TDRD3: variants seen among roughly 807,000 people sequenced by gnomAD.
TDRD3 encodes tudor domain-containing protein 3.
Under a neutral mutation model 86.7 loss-of-function variants are expected in TDRD3, and 45 were observed. The observed-to-expected ratio is 0.52, with a 90% confidence interval of 0.41 to 0.67. TDRD3 has a LOEUF of 0.67. Ranked by LOEUF, TDRD3 falls within the 30% of genes least tolerant of loss-of-function variation. TDRD3 has a pLI of 0.00. For synonymous variants in TDRD3, 298 were observed against 301.7 expected (o/e 0.99, Z 0.13); for missense variants, 814 against 889.0 (o/e 0.92, Z 1.07).
At chr13:60,541,672 A>G (rs1253887951) in intron 12 of TDRD3, among the ~76,000 whole-genome samples, 1 of 138,968 alleles carries the variant, frequency 7.2e-6, no homozygotes, top group Non-Finnish European at 1.5e-5. Flanking sequence ...TCATTCATGT[A>G]TATCCAATAT....
chr13:60,527,237 T>C (rs927499147), intron 10 of TDRD3, among the ~76,000 whole-genome samples: 5 of 152,214 alleles, frequency 3.3e-5, no homozygotes, highest in African/African-American at 1.2e-4. Context: ...AGATACCTTT[T>C]GGCCTCCAGT....
intron 1 of TDRD3, among the ~76,000 whole-genome samples, chr13:60,438,174 A>G (rs551983005): frequency 6.6e-6 from 1 of 152,312 alleles, no homozygotes; most frequent in East Asian, 1.9e-4. Flanking sequence ...TATTTATGAA[A>G]GTGAATTTAT....
intron 12 of TDRD3, among the ~76,000 whole-genome samples, chr13:60,562,021 A>G (rs1474973261): frequency 6.6e-6 from 1 of 152,260 alleles, no homozygotes; most frequent in African/African-American, 2.4e-5. Flanking sequence ...ATAGAGAATA[A>G]GAGCTGAGGC....
chr13:60,516,109 G>C (rs1465044674), intron 10 of TDRD3, among the ~76,000 whole-genome samples: 1 of 152,036 alleles, frequency 6.6e-6, no homozygotes, highest in Non-Finnish European at 1.5e-5. Flanking sequence ...ATATATTTAG[G>C]GTTTAAAAAG....
chr13:60,415,926 G>A (rs1594904894), intron 1 of TDRD3, among the ~76,000 whole-genome samples: 1 of 152,140 alleles, frequency 6.6e-6, no homozygotes, highest in Non-Finnish European at 1.5e-5. Flanking sequence ...TTAAGGAAAA[G>A]TGAAGAAAGG....
chr13:60,461,249 A>G (rs372819624), intron 4 of TDRD3, among the ~76,000 whole-genome samples: 1 of 152,082 alleles, frequency 6.6e-6, no homozygotes, highest in Non-Finnish European at 1.5e-5. Flanking sequence ...TAGGCTAATA[A>G]ATTTTCCTAG....
chr13:60,512,735 C>T (rs534765532), intron 10 of TDRD3, among the ~76,000 whole-genome samples: 19 of 152,292 alleles, frequency 1.2e-4, no homozygotes, highest in Non-Finnish European at 2.2e-4. Context: ...CTAGGTTATA[C>T]GGATGAAAGA....
intron 1 of TDRD3, among the ~76,000 whole-genome samples, chr13:60,431,533 G>A (rs1954952712): frequency 6.6e-6 from 1 of 151,490 alleles, no homozygotes; most frequent in East Asian, 1.9e-4. Context: ...ACTGATATTT[G>A]ACCAGTGTGG....
chr13:60,472,703 ATAT>A (rs1449085905), intron 5 of TDRD3, among the ~76,000 whole-genome samples: 1 of 152,198 alleles, frequency 6.6e-6, no homozygotes, highest in Non-Finnish European at 1.5e-5. Flanking sequence ...TCTTGAAGAA[ATAT>A]TTGTGTACCC....
chr13:60,567,689 A>C (rs1464290709), intron 13 of TDRD3, 39 bp downstream of exon 13: 2 of 1,601,948 alleles, frequency 1.2e-6, no homozygotes, highest in South Asian at 2.2e-5. Flanking sequence ...ATATAAAGAA[A>C]GATGAAATTC....
intron 10 of TDRD3, among the ~76,000 whole-genome samples, chr13:60,518,940 T>C (rs1957228706): frequency 6.6e-6 from 1 of 152,034 alleles, no homozygotes. Flanking sequence ...CTGTGAATTT[T>C]TGAAAGATGT....
At chr13:60,529,808 G>A (rs1406448161) in intron 11 of TDRD3, among the ~76,000 whole-genome samples, 1 of 152,042 alleles carries the variant, frequency 6.6e-6, no homozygotes, top group Non-Finnish European at 1.5e-5. Context: ...GAAAGAAATT[G>A]TAGGGGAAAG....
chr13:60,470,162 A>G (rs1956045716), intron 5 of TDRD3, among the ~76,000 whole-genome samples: 1 of 152,110 alleles, frequency 6.6e-6, no homozygotes, highest in Non-Finnish European at 1.5e-5. Context: ...GACTTATTTC[A>G]CTTAGCATAG....
At chr13:60,472,446 A>G (rs1168471976) in intron 5 of TDRD3, among the ~76,000 whole-genome samples, 1 of 152,224 alleles carries the variant, frequency 6.6e-6, no homozygotes, top group African/African-American at 2.4e-5. Flanking sequence ...ATACTACCCT[A>G]CAGCCATTAT....
chr13:60,523,585 T>G (rs1373094734), intron 10 of TDRD3, among the ~76,000 whole-genome samples: 1 of 145,696 alleles, frequency 6.9e-6, no homozygotes, highest in Non-Finnish European at 1.5e-5. Context: ...TTTTTTTTTT[T>G]TTTTTTTTTG....
intron 12 of TDRD3, among the ~76,000 whole-genome samples, chr13:60,559,415 T>C (rs1358555003): frequency 6.6e-6 from 1 of 152,176 alleles, no homozygotes; most frequent in East Asian, 1.9e-4. Context: ...CTACTCTGAT[T>C]TCTGGGCAAG....
At chr13:60,471,679 G>A (rs1039000785) in intron 5 of TDRD3, among the ~76,000 whole-genome samples, 6 of 152,080 alleles carry the variant, frequency 3.9e-5, no homozygotes, top group African/African-American at 1.4e-4. Flanking sequence ...AATTGTTAGT[G>A]TAGAGAAACA....
intron 3 of TDRD3, among the ~76,000 whole-genome samples, chr13:60,450,103 T>A (rs560994078): frequency 1.3e-5 from 2 of 152,266 alleles, no homozygotes; most frequent in South Asian, 4.1e-4. Flanking sequence ...ACACAGAAAA[T>A]ATAAACTATT....
At chr13:60,532,669 T>C (rs1957612172) in intron 11 of TDRD3, among the ~76,000 whole-genome samples, 1 of 152,240 alleles carries the variant, frequency 6.6e-6, no homozygotes, top group South Asian at 2.1e-4. Flanking sequence ...TCTTTCTAAC[T>C]TCATTTCCAT....
Sources: allele counts gnomAD v4.1 joint callset (sites outside exome capture counted in the v4.1 genomes callset), GRCh38; gene constraint gnomAD v4.1.1; transcripts MANE v1.5; gene names NCBI Gene and HGNC (gene_info 2026-07-23, HGNC 2026-07-21).